Variants in PRDM2 observed in about 807,000 individuals in gnomAD.
PRDM2 encodes the protein PR/SET domain 2, also known as PR domain zinc finger protein 2.
A neutral mutation model predicts 130.0 loss-of-function variants in PRDM2; 30 were observed. The observed-to-expected ratio is 0.23, with a 90% CI of 0.17 to 0.31. The LOEUF is 0.31. Among genes scored for constraint, PRDM2 ranks in the 10% least tolerant of loss-of-function variants. The pLI, the probability that PRDM2 is intolerant of heterozygous loss-of-function variation, is 1.00. For missense variants in PRDM2, 2,011 were observed against 2,108.4 expected (o/e 0.95, Z 0.90); for synonymous variants, 871 against 782.4 (o/e 1.11, Z -1.89).
intron 2 of PRDM2, among the ~76,000 whole-genome samples, chr1:13,719,795 T>C (rs79176260): frequency 1.4e-5 from 2 of 146,262 alleles, no homozygotes; most frequent in African/African-American, 2.5e-5. Flanking sequence ...ATTTTTTTTT[T>C]CCCATCGTTT....
At chr1:13,804,591 CG>C (rs142079563) in intron 8 of PRDM2, among the ~76,000 whole-genome samples, 1 of 151,500 alleles carries the variant, frequency 6.6e-6, no homozygotes, top group African/African-American at 2.4e-5. Flanking sequence ...CAACAAGCTC[CG>C]GGGGGGGAAA....
intron 8 of PRDM2, among the ~76,000 whole-genome samples, chr1:13,809,637 G>A (rs751804374): frequency 3.3e-5 from 5 of 152,182 alleles, no homozygotes; most frequent in Admixed American, 1.3e-4. Flanking sequence ...TGGGCTGGGC[G>A]TGGGTGCCGG....
chr1:13,711,556 A>G (rs894029174), intron 1 of PRDM2, among the ~76,000 whole-genome samples: 2 of 152,224 alleles, frequency 1.3e-5, no homozygotes, highest in East Asian at 3.8e-4. Flanking sequence ...GTCTTGCTCA[A>G]GGAGTTGGCC....
intron 2 of PRDM2, among the ~76,000 whole-genome samples, chr1:13,724,630 G>GCC (rs1209561774): frequency 6.6e-6 from 1 of 151,774 alleles, no homozygotes; most frequent in African/African-American, 2.4e-5. Flanking sequence ...GAGTAGCTGA[G>GCC]ACTACAGGCA....
chr1:13,741,862 G>C (rs1317673439), intron 4 of PRDM2, 143 bp from the exon 5 acceptor site: 1 of 645,578 alleles, frequency 1.5e-6, no homozygotes, highest in Admixed American at 3.1e-5. Flanking sequence ...TCTTTTCTCT[G>C]TCGCTTGTTT....
intron 2 of PRDM2, among the ~76,000 whole-genome samples, chr1:13,721,350 A>G (rs1308950141): frequency 6.6e-6 from 1 of 152,022 alleles, no homozygotes; most frequent in East Asian, 1.9e-4. Context: ...CTAAAAATAT[A>G]TATGATATAA....
chr1:13,804,267 C>T (rs570230991), intron 8 of PRDM2, among the ~76,000 whole-genome samples: 25 of 152,264 alleles, frequency 1.6e-4, no homozygotes, highest in South Asian at 4.1e-4. Context: ...CTGAAGGCAC[C>T]GCAGCGACTC....
At position 13,782,847 on chromosome 1, in the gene PRDM2, G is replaced by C. The variant is rs780286711; in HGVS notation, c.5036+16G>C. On this transcript the variant is annotated intron_variant, in intron 8 of 9. Coordinates refer to ENST00000311066, the MANE Select transcript of PRDM2 (RefSeq NM_001393986.1). ...AGGACTTCAGGTAAGCTCAGGAGCT[G>C]GTGGGAGGGAAAGACCGGGAAGGCG... 1 of 1,608,922 alleles carries C rather than the reference G, an allele frequency of 6.2e-7. No homozygotes were observed. The highest frequency in any genetic ancestry group is 2.2e-5 in the East Asian group (1 of 44,890).
intron 4 of PRDM2, among the ~76,000 whole-genome samples, chr1:13,736,385 G>A (rs1218768188): frequency 1.3e-5 from 2 of 152,220 alleles, no homozygotes; most frequent in East Asian, 3.9e-4. Flanking sequence ...GCCTTCCAAA[G>A]TGCTGGGGTT....
At chr1:13,807,190 TC>T (rs1215365265) in intron 8 of PRDM2, among the ~76,000 whole-genome samples, 1 of 152,222 alleles carries the variant, frequency 6.6e-6, no homozygotes, top group Non-Finnish European at 1.5e-5. Context: ...TGAGTATCTT[TC>T]CTCTCTAGGC....
chr1:13,713,519 G>GTGA (rs1642436024), intron 1 of PRDM2, among the ~76,000 whole-genome samples: 1 of 152,220 alleles, frequency 6.6e-6, no homozygotes, highest in African/African-American at 2.4e-5. Flanking sequence ...ATAAATGATA[G>GTGA]TGATGATGAT....
rs551643883 is a variant in PRDM2 at position 13,779,496 on chromosome 1, T to G, written c.1701T>G (p.Asn567Lys). ...CTAGCAATATCTCTGAAAACTTAAATTACTATATTGATGGTAAAATTCAAA... is the reference window on the plus strand; with the variant it reads ...CTAGCAATATCTCTGAAAACTTAAAGTACTATATTGATGGTAAAATTCAAA... ...DISSNISENL[N>K]YYIDGKIQTN... is the part of the protein sequence containing the mutation. The change falls in exon 8 of 10, where the codon AAT (asparagine) becomes AAG (lysine). Residue 567 changes from asparagine to lysine, a missense_variant. This residue lies in a region of PRDM2 where 1,288 missense variants were observed against 1,237.7 expected (regional missense o/e 1.04). Transcript: ENST00000311066. The surrounding 1 kb of genome is among the most constrained non-coding windows in gnomAD (Gnocchi z 4.9). 46 of 1,613,962 alleles carry G rather than the reference T, an allele frequency of 2.9e-5. No homozygotes were observed. The highest frequency in any genetic ancestry group is 3.7e-5 in the Non-Finnish European group (44 of 1,179,962).
intron 2 of PRDM2, chr1:13,722,814 A>G (rs1642774931): frequency 1.9e-6 from 1 of 516,166 alleles, no homozygotes; most frequent in Non-Finnish European, 3.9e-6. Context: ...ACCAATGACT[A>G]GATTTTATTT....
intron 6 of PRDM2, among the ~76,000 whole-genome samples, chr1:13,751,264 T>C (rs1355817733): frequency 6.6e-6 from 1 of 152,224 alleles, no homozygotes; most frequent in African/African-American, 2.4e-5. Flanking sequence ...TCATATTTCT[T>C]ATTATCCTAT....
At chr1:13,792,581 T>C (rs1644857179) in intron 8 of PRDM2, among the ~76,000 whole-genome samples, 1 of 152,234 alleles carries the variant, frequency 6.6e-6, no homozygotes, top group Non-Finnish European at 1.5e-5. Context: ...CAGGCTATTA[T>C]TGGACTTGTG....
intron 1 of PRDM2, among the ~76,000 whole-genome samples, chr1:13,701,026 C>T (rs1642058475): frequency 6.6e-6 from 1 of 152,292 alleles, no homozygotes. Flanking sequence ...GTGGTTCTTT[C>T]GATCCACGCG....
At chr1:13,745,856 C>T (rs1002039837) in intron 5 of PRDM2, among the ~76,000 whole-genome samples, 2 of 152,012 alleles carry the variant, frequency 1.3e-5, no homozygotes, top group Non-Finnish European at 2.9e-5. Context: ...TGCTGTTCAC[C>T]CACTGGCGAG....
At chr1:13,796,721 C>T (rs1644929059) in intron 8 of PRDM2, among the ~76,000 whole-genome samples, 1 of 152,220 alleles carries the variant, frequency 6.6e-6, no homozygotes, top group East Asian at 1.9e-4. Context: ...CACTGTGTTC[C>T]TGCCTGGCCA....
intron 4 of PRDM2, among the ~76,000 whole-genome samples, chr1:13,739,154 C>G (rs1439151549): frequency 1.3e-5 from 2 of 151,980 alleles, no homozygotes; most frequent in Non-Finnish European, 2.9e-5. Context: ...TCACGCCATT[C>G]TCCTGCCTCA....
Sources: gnomAD v4.1 joint callset for allele counts (sites outside exome capture counted in the v4.1 genomes callset) on GRCh38, gnomAD v4.1.1 for gene constraint, gnomAD v4.1.1 regional missense constraint, Gnocchi (gnomAD v3.1) non-coding constraint, MANE v1.5 for transcripts, NCBI Gene and HGNC (gene_info 2026-07-23, HGNC 2026-07-21) for gene names.